Variants in VASP observed in about 807,000 individuals in gnomAD.
VASP encodes vasodilator-stimulated phosphoprotein.
VASP carries 27 observed loss-of-function variants against 54.4 expected under a neutral mutation model. The observed-to-expected ratio is 0.50, with a 90% CI of 0.37 to 0.68. VASP has a LOEUF of 0.68. Ranked by LOEUF, VASP falls within the 30% of genes least tolerant of loss-of-function variation. VASP has a pLI of 0.00. For synonymous variants in VASP, 233 were observed against 209.8 expected (o/e 1.11, Z -0.96); for missense variants, 488 against 528.3 (o/e 0.92, Z 0.75).
intron 1 of VASP, among the ~76,000 whole-genome samples, chr19:45,510,311 C>T (rs182820558): frequency 8.3e-4 from 127 of 152,184 alleles, no homozygotes; most frequent in African/African-American, 2.7e-3. Flanking sequence ...ACTGCAACCT[C>T]CGTCTCCTGG....
Position 45,507,664 on chromosome 19 carries a change from G to C in VASP, c.-108G>C, listed in dbSNP as rs973602531. On this transcript the variant is annotated 5_prime_UTR_variant, in exon 1 of 13. Coordinates refer to ENST00000245932, the MANE Select transcript of VASP (RefSeq NM_003370.4). The surrounding 1 kb of genome is among the most constrained non-coding windows in gnomAD (Gnocchi z 4.4). Reference sequence around the variant, plus strand: ...CCGGACTCTATGGGGCGGGACCCTGGGGGAGCCTGAGCCGAGCCCGGAGCC... The same window carrying C: ...CCGGACTCTATGGGGCGGGACCCTGCGGGAGCCTGAGCCGAGCCCGGAGCC... 4.6e-5 allele frequency: 65 copies of C among 1,426,176 alleles called. No homozygotes were observed. Among genetic ancestry groups the C allele is most frequent in the Non-Finnish European group, 5.9e-5 (63 of 1,061,744 alleles). 88.3% of individuals were successfully genotyped at this position (1,426,176 alleles called of 1,614,324 possible). A position where few individuals can be genotyped will look rare whatever the true frequency, so the allele number is the denominator to read the frequency against.
intron 9 of VASP, 46 bp from the exon 10 acceptor site, chr19:45,524,051 G>A (rs1400653215): frequency 1.2e-6 from 2 of 1,612,352 alleles, no homozygotes; most frequent in Admixed American, 1.7e-5. Context: ...TTGATTGGGG[G>A]GCAGTCTTTT....
Position 45,522,408 on chromosome 19 carries a change from C to T in VASP, c.547C>T (p.Pro183Ser). 1 of 1,532,022 alleles carries T rather than the reference C, an allele frequency of 6.5e-7. No homozygotes were observed. The highest frequency in any genetic ancestry group is 8.8e-7 in the Non-Finnish European group (1 of 1,136,966). The allele number at this position is 1,532,022 out of a possible 1,614,324, so 94.9% of individuals were successfully genotyped here. Residue 183 changes from proline (P) to serine (S), a missense_variant, in exon 6 of 13, where the codon CCC becomes TCC. By Grantham distance (74) the Pro-to-Ser change is moderately conservative. This residue lies in a region of VASP where 226 missense variants were observed against 196.0 expected (regional missense o/e 1.15). Coordinates refer to ENST00000245932, the MANE Select transcript of VASP (RefSeq NM_003370.4). The part of the protein sequence containing the change: ...PPGPPPPPGP[P>S]PPPGLPPSGV... ...AGGACCTCCCCCTCCTCCAGGTCCC[C>T]CCCCACCCCCAGGTTTGCCCCCTTC...
rs1968863255 is a variant in VASP, at chr19:45,522,519, G to A, written c.658G>A (p.Gly220Arg). Residue 220 changes from glycine to arginine, a missense_variant, in exon 6 of 13, where the codon GGA becomes AGA. By Grantham distance (125) the Gly-to-Arg change is moderately radical. This residue lies in a region of VASP where 226 missense variants were observed against 196.0 expected (regional missense o/e 1.15). Coordinates refer to ENST00000245932, the MANE Select transcript of VASP (RefSeq NM_003370.4). ...LPAAQGPGGG[G>R]AGAPGLAAAI... is the part of the protein sequence containing the mutation. Reference sequence around the variant, plus strand: ...GGCAGCACAGGGCCCTGGTGGTGGGGGAGCTGGGGCCCCAGGCCTGGCCGC... The same window carrying A: ...GGCAGCACAGGGCCCTGGTGGTGGGAGAGCTGGGGCCCCAGGCCTGGCCGC... 2.7e-6 allele frequency: 4 copies of A among 1,456,584 alleles called. No homozygotes were observed. In the South Asian group the frequency reaches 5.8e-5, roughly 21 times the overall value. 90.2% of individuals were successfully genotyped at this position (1,456,584 alleles called of 1,614,324 possible). A position where few individuals can be genotyped will look rare whatever the true frequency, so the allele number is the denominator to read the frequency against.
rs1374455527 is a variant in VASP at position 45,507,680 on chromosome 19, G to T, written c.-92G>T. 2.0e-6 allele frequency: 3 copies of T among 1,484,830 alleles called. No homozygotes were observed. The highest frequency in any genetic ancestry group is 5.4e-5 in the East Asian group (2 of 37,294). 92.0% of individuals were successfully genotyped at this position (1,484,830 alleles called of 1,614,324 possible). A position where few individuals can be genotyped will look rare whatever the true frequency, so the allele number is the denominator to read the frequency against. On this transcript the variant is annotated 5_prime_UTR_variant, in exon 1 of 13. Coordinates refer to ENST00000245932, the MANE Select transcript of VASP (RefSeq NM_003370.4). The surrounding 1 kb of genome is among the most constrained non-coding windows in gnomAD (Gnocchi z 4.4). The stretch of plus-strand genomic sequence containing the variant: ...GGGACCCTGGGGGAGCCTGAGCCGA[G>T]CCCGGAGCCAGCCCCGAACCCCTGA...
intron 4 of VASP, 127 bp downstream of exon 4, chr19:45,521,533 C>A: frequency 2.4e-6 from 2 of 836,630 alleles, no homozygotes; most frequent in Non-Finnish European, 3.7e-6. Flanking sequence ...AAACTTCTGA[C>A]ACTCAGAGTT....
chr19:45,509,875 A>G (rs532573259), intron 1 of VASP, among the ~76,000 whole-genome samples: 1 of 152,298 alleles, frequency 6.6e-6, no homozygotes, highest in East Asian at 1.9e-4. Flanking sequence ...GGAGCCTAGG[A>G]TCCTCTGATT....
At chr19:45,521,114 C>T (rs1378134009) in intron 3 of VASP, among the ~76,000 whole-genome samples, 1 of 152,250 alleles carries the variant, frequency 6.6e-6, no homozygotes, top group Admixed American at 6.5e-5. Context: ...ACAACAGCAC[C>T]TACCTTAGGG....
chr19:45,526,079 T>C (rs1968959667), intron 12 of VASP, 61 bp from the exon 13 acceptor site: 1 of 1,613,610 alleles, frequency 6.2e-7, no homozygotes, highest in African/African-American at 1.3e-5. Context: ...GCAAGAGCCC[T>C]GTTTTGGAAG....
At chr19:45,522,647 C>T (rs992360095) in intron 6 of VASP, 66 bp downstream of exon 6, 106 of 1,562,062 alleles carry the variant, frequency 6.8e-5, no homozygotes, top group Non-Finnish European at 8.7e-5. Flanking sequence ...CCAGGGCTGC[C>T]GGCGGTGTCA....
At chr19:45,524,847 CATT>C in intron 11 of VASP, 187 bp downstream of exon 11, 2 of 568,780 alleles carry the variant, frequency 3.5e-6, no homozygotes, top group Non-Finnish European at 6.3e-6. Flanking sequence ...CTGTGACAGA[CATT>C]ATTAATCTAT....
At chr19:45,524,174 G>A (rs1436356943) in intron 10 of VASP, 32 bp downstream of exon 10, 6 of 1,612,010 alleles carry the variant, frequency 3.7e-6, no homozygotes, top group Non-Finnish European at 5.1e-6. Flanking sequence ...CCTTGGGGAG[G>A]TAAAGGCGGG....
chr19:45,517,380 G>A (rs1968725845), intron 1 of VASP, among the ~76,000 whole-genome samples: 1 of 144,980 alleles, frequency 6.9e-6, no homozygotes, highest in African/African-American at 2.5e-5. Flanking sequence ...CTGTTCATCT[G>A]TCTGTCTGCC....
intron 1 of VASP, among the ~76,000 whole-genome samples, chr19:45,510,959 A>C (rs868682507): frequency 2.0e-5 from 3 of 151,260 alleles, no homozygotes; most frequent in Middle Eastern, 6.8e-3. Flanking sequence ...TAGAGATAAC[A>C]TGCTTTCCGT....
chr19:45,526,247 T>C lies in VASP; in HGVS notation c.*70T>C. Reference sequence around the variant, plus strand: ...CCTGTCACCCTGCTTTCCCTGCCTCTACTTGACTTGGAATTGGCTGAAGAC... The same window carrying C: ...CCTGTCACCCTGCTTTCCCTGCCTCCACTTGACTTGGAATTGGCTGAAGAC... On this transcript the variant is annotated 3_prime_UTR_variant, in exon 13 of 13. Transcript: ENST00000245932. 1 of 1,541,058 alleles carries C rather than the reference T, an allele frequency of 6.5e-7. No individual in the cohort carries two copies. Among genetic ancestry groups the C allele is most frequent in the South Asian group, 1.2e-5 (1 of 83,158 alleles).
chr19:45,523,618 C>G, intron 7 of VASP, 26 bp from the exon 8 acceptor site: 1 of 1,613,360 alleles, frequency 6.2e-7, no homozygotes, highest in Non-Finnish European at 8.5e-7. Context: ...GACGGAAGCA[C>G]GTGTTTTTGC....
chr19:45,510,806 G>A (rs1392306691), intron 1 of VASP, among the ~76,000 whole-genome samples: 2 of 151,906 alleles, frequency 1.3e-5, no homozygotes, highest in African/African-American at 4.8e-5. Flanking sequence ...GGTGGCATGC[G>A]CCTGTAGTTC....
chr19:45,517,561 C>A, intron 1 of VASP, 102 bp from the exon 2 acceptor site: 1 of 1,468,146 alleles, frequency 6.8e-7, no homozygotes, highest in Non-Finnish European at 9.2e-7. Flanking sequence ...CCCTCTGTGT[C>A]ACTCTCTTCC....
chr19:45,518,310 G>A (rs1968753376), intron 3 of VASP, among the ~76,000 whole-genome samples: 1 of 152,202 alleles, frequency 6.6e-6, no homozygotes, highest in Non-Finnish European at 1.5e-5. Flanking sequence ...GCTCATGCCT[G>A]TAATCTCAGC....
Sources: gnomAD v4.1 joint callset for allele counts (sites outside exome capture counted in the v4.1 genomes callset) on GRCh38, gnomAD v4.1.1 for gene constraint, gnomAD v4.1.1 regional missense constraint, Gnocchi (gnomAD v3.1) non-coding constraint, MANE v1.5 for transcripts, NCBI Gene and HGNC (gene_info 2026-07-23, HGNC 2026-07-21) for gene names.